The following ZNF562 variants were observed in gnomAD, a reference collection of about 807,000 sequenced individuals.
ZNF562 encodes zinc finger protein 562.
Under a neutral mutation model 17.5 loss-of-function variants are expected in ZNF562, and 13 were observed. The observed-to-expected ratio is 0.74, with a 90% CI of 0.48 to 1.18. The LOEUF (loss-of-function observed/expected upper bound fraction) is 1.18, where lower values mean the gene tolerates loss of function less well. Among genes scored for constraint, ZNF562 ranks in the 50% most tolerant of loss-of-function variants. The probability of loss-of-function intolerance (pLI) is 0.00; values close to 1 mark genes in which losing one functional copy is unlikely to be tolerated. For missense variants in ZNF562, 481 were observed against 498.5 expected, an observed-to-expected ratio of 0.96 and a Z score of 0.33; for synonymous variants, 163 against 165.4, an observed-to-expected ratio of 0.99 and a Z score of 0.11.
intron 5 of ZNF562, among the ~76,000 whole-genome samples, chr19:9,655,683 G>GTGC (rs2043442133): frequency 7.4e-6 from 1 of 134,284 alleles, no homozygotes; most frequent in African/African-American, 2.8e-5. Flanking sequence ...ACATCCCAAA[G>GTGC]TGCTGGGATT....
chr19:9,668,237 T>C (rs533735419), intron 1 of ZNF562, among the ~76,000 whole-genome samples: 3 of 151,938 alleles, frequency 2.0e-5, no homozygotes, highest in South Asian at 2.1e-4. Flanking sequence ...TAGCCAGGCA[T>C]GATGGCACAC....
intron 3 of ZNF562, among the ~76,000 whole-genome samples, 169 bp downstream of exon 3, chr19:9,659,210 T>A (rs1436239519): frequency 6.6e-6 from 1 of 152,220 alleles, no homozygotes; most frequent in Non-Finnish European, 1.5e-5. Flanking sequence ...GTTAACACTT[T>A]ATGTATAGGA....
rs1294651775 is a variant in ZNF562, at chr19:9,645,938, AAG to A, written c.*7009_*7010del. 5 of 152,248 alleles carry A rather than the reference AAG, an allele frequency of 3.3e-5. No homozygotes were observed. Among genetic ancestry groups the A allele is most frequent in the South Asian group, 2.1e-4 (1 of 4,832 alleles). The allele number at this position is 152,248 out of a possible 1,614,324, so 9.4% of individuals were successfully genotyped here. ...GGTATGATCAATACACATCAGTACA[AAG>A]AGGGGAACACAATGAAACAAACAAA... On this transcript the variant is annotated 3_prime_UTR_variant, in exon 6 of 6. Coordinates refer to ENST00000453372, the MANE Select transcript of ZNF562 (RefSeq NM_001130031.2).
At position 9,656,655 on chromosome 19, in the gene ZNF562, T is replaced by C; in HGVS notation, c.242-2A>G. On this transcript the variant is annotated splice_acceptor_variant, in intron 4 of 5. Coordinates refer to ENST00000453372, the MANE Select transcript of ZNF562 (RefSeq NM_001130031.2). LOFTEE classifies it high-confidence loss of function. Reference sequence around the variant, plus strand: ...CTGAAGTTAAGCAGAAAAAGAAATCTAAGGGTTTAGAGAAGAAATGTGTTA... The same window carrying C: ...CTGAAGTTAAGCAGAAAAAGAAATCCAAGGGTTTAGAGAAGAAATGTGTTA... 6.2e-7 allele frequency: 1 copy of C among 1,612,828 alleles called. No homozygotes were observed. Among genetic ancestry groups the C allele is most frequent in the Non-Finnish European group, 8.5e-7 (1 of 1,178,976 alleles).
At chr19:9,669,994 G>A (rs978692532) in intron 1 of ZNF562, among the ~76,000 whole-genome samples, 3 of 152,166 alleles carry the variant, frequency 2.0e-5, no homozygotes, top group East Asian at 1.9e-4. Flanking sequence ...CCCAGGAGGC[G>A]GACGTTGCAG....
rs907648659 is a variant in ZNF562, at chr19:9,650,131, C to G, written c.*2818G>C. ...CCAACAAAATAGAGTGCATATCTCA[C>G]CAGAACTGCAAAGACAAGTATGCTG... On this transcript the variant is annotated 3_prime_UTR_variant, in exon 6 of 6. Coordinates refer to ENST00000453372, the MANE Select transcript of ZNF562 (RefSeq NM_001130031.2). 1.3e-5 allele frequency: 2 copies of G among 152,054 alleles called. No individual in the cohort carries two copies. The highest frequency in any genetic ancestry group is 2.9e-5 in the Non-Finnish European group (2 of 68,018). The allele number at this position is 152,054 out of a possible 1,614,324, so 9.4% of individuals were successfully genotyped here. A position where few individuals can be genotyped will look rare whatever the true frequency, so the allele number is the denominator to read the frequency against.
Position 9,653,748 on chromosome 19 carries a change from T to A in ZNF562, c.482A>T (p.Asp161Val), listed in dbSNP as rs1286984476. The A allele has an allele frequency of 6.2e-7, 1 of 1,614,114 alleles. No homozygotes were observed. ...NTFEGNCYGKDSISVHKEASI... is the reference protein window; with the variant it reads ...NTFEGNCYGKVSISVHKEASI... ...GGCTTCCTTGTGCACACTGATGCTG[T>A]CTTTTCCATAACAATTACCCTCAAA... Residue 161 changes from aspartate to valine, a missense_variant, in exon 6 of 6, where the codon GAC becomes GTC. Physicochemically the swap from Asp to Val is radical, Grantham distance 152. Around this residue, in one of 2 missense-constraint regions of ZNF562, gnomAD observed 403 missense variants for 386.4 expected, o/e 1.04. Coordinates refer to ENST00000453372, the MANE Select transcript of ZNF562 (RefSeq NM_001130031.2).
Position 9,649,237 on chromosome 19 carries a change from C to T in ZNF562, c.*3712G>A, listed in dbSNP as rs2074835300. The T allele has an allele frequency of 6.6e-6, 1 of 152,202 alleles. No individual in the cohort carries two copies. Among genetic ancestry groups the T allele is most frequent in the African/African-American group, 2.4e-5 (1 of 41,452 alleles). The allele number at this position is 152,202 out of a possible 1,614,324, so 9.4% of individuals were successfully genotyped here. A position where few individuals can be genotyped will look rare whatever the true frequency, so the allele number is the denominator to read the frequency against. On this transcript the variant is annotated 3_prime_UTR_variant, in exon 6 of 6. Coordinates refer to ENST00000453372, the MANE Select transcript of ZNF562 (RefSeq NM_001130031.2). ...CCTGTCTTTACTTTAATCTCTCAAT[C>T]CTGTCAGCTGAGGAGGATGTATATT...
intron 1 of ZNF562, among the ~76,000 whole-genome samples, chr19:9,666,249 G>A (rs541156277): frequency 3.6e-4 from 54 of 151,460 alleles, no homozygotes; most frequent in African/African-American, 1.1e-3. Context: ...CTTGAATCCG[G>A]GAAGCAGAGG....
intron 1 of ZNF562, among the ~76,000 whole-genome samples, chr19:9,663,406 T>C (rs1412711966): frequency 2.5e-5 from 3 of 117,756 alleles, no homozygotes; most frequent in African/African-American, 4.2e-5. Context: ...CGAGACTCCA[T>C]CTCAAAAAAA....
At chr19:9,654,455 G>GATTT (rs1009756239) in intron 5 of ZNF562, among the ~76,000 whole-genome samples, 1 of 151,844 alleles carries the variant, frequency 6.6e-6, no homozygotes, top group African/African-American at 2.4e-5. Context: ...CCAATTTTTT[G>GATTT]ATTTATTTAT....
rs1207740396 is a variant in ZNF562, at chr19:9,653,379, C to G, written c.851G>C (p.Gly284Ala). The G allele has an allele frequency of 1.9e-6, 3 of 1,614,140 alleles. No individual in the cohort carries two copies. The highest frequency in any genetic ancestry group is 1.6e-4 in the Middle Eastern group (1 of 6,062). Residue 284 changes from glycine to alanine, a missense_variant, in exon 6 of 6, where the codon GGA becomes GCA. By Grantham distance (60) the Gly-to-Ala change is moderately conservative. Transcript: ENST00000453372. The part of the protein sequence containing the change: ...QLSAHAKTHK[G>A]EKSFECKECG... The stretch of plus-strand genomic sequence containing the variant: ...TTCTTTACATTCAAAGGACTTCTCT[C>G]CTTTATGAGTTTTTGCATGTGCAGA...
intron 1 of ZNF562, among the ~76,000 whole-genome samples, chr19:9,669,707 C>CGCGCGCGCG (rs1568281388): frequency 2.9e-4 from 26 of 90,908 alleles, no homozygotes; most frequent in South Asian, 9.4e-4. Flanking sequence ...TGTCTGCATG[C>CGCGCGCGCG]ACGCGCGCGA....
Position 9,669,726 on chromosome 19 carries a change from GCGCGCGCGCA to G in ZNF562, c.-131+5279_-131+5288del, listed in dbSNP as rs1206131029. 3.3e-3 allele frequency among the ~76,000 whole-genome samples: 282 copies of G among 85,070 alleles called. 1 individual carries two copies. The highest frequency in any genetic ancestry group is 0.011 in the African/African-American group (234 of 21,996). 55.8% of individuals were successfully genotyped at this position (85,070 alleles called of 152,430 possible). A position where few individuals can be genotyped will look rare whatever the true frequency, so the allele number is the denominator to read the frequency against. ...TGCATGCACGCGCGCGAGCGCGCGC[GCGCGCGCGCA>G]CACACACACACACACACACACACAC... On this transcript the variant is annotated intron_variant, in intron 1 of 5. Transcript: ENST00000453372.
intron 5 of ZNF562, among the ~76,000 whole-genome samples, chr19:9,656,247 C>T (rs967079884): frequency 1.9e-4 from 29 of 152,272 alleles, no homozygotes; most frequent in South Asian, 8.3e-4. Flanking sequence ...CAGTGGCTCA[C>T]GCCTGTAATC....
intron 1 of ZNF562, among the ~76,000 whole-genome samples, chr19:9,669,628 C>G (rs1273270017): frequency 6.6e-6 from 1 of 151,604 alleles, no homozygotes; most frequent in African/African-American, 2.4e-5. Flanking sequence ...CCAGACCAGG[C>G]TAGGCAACAC....
At chr19:9,674,462 C>T (rs2145065776) in intron 1 of ZNF562, among the ~76,000 whole-genome samples, 1 of 151,824 alleles carries the variant, frequency 6.6e-6, no homozygotes, top group East Asian at 1.9e-4. Context: ...TTGCAGTGAG[C>T]CAACATCGTG....
chr19:9,674,334 T>C (rs2044318349), intron 1 of ZNF562, among the ~76,000 whole-genome samples: 1 of 152,156 alleles, frequency 6.6e-6, no homozygotes, highest in Non-Finnish European at 1.5e-5. Context: ...CGAAAAAGGT[T>C]GCTTTACGGA....
At chr19:9,654,222 T>A (rs2043375160) in intron 5 of ZNF562, among the ~76,000 whole-genome samples, 1 of 151,902 alleles carries the variant, frequency 6.6e-6, no homozygotes, top group Non-Finnish European at 1.5e-5. Flanking sequence ...AACTCCTGAG[T>A]TCAGGTGAAC....
Sources: gnomAD v4.1 joint callset for allele counts (sites outside exome capture counted in the v4.1 genomes callset) on GRCh38, gnomAD v4.1.1 for gene constraint, gnomAD v4.1.1 regional missense constraint, MANE v1.5 for transcripts, NCBI Gene and HGNC (gene_info 2026-07-23, HGNC 2026-07-21) for gene names.